SASH1: variants seen among roughly 807,000 people sequenced by gnomAD.
SASH1 encodes SAM and SH3 domain containing 1, also known as SAM and SH3 domain-containing protein 1.
SASH1 carries 44 observed loss-of-function variants against 125.2 expected under a neutral mutation model. That is an observed-to-expected ratio of 0.35 (90% CI 0.28 to 0.45). The LOEUF is 0.45. Ranked by LOEUF, SASH1 falls within the 20% of genes least tolerant of loss-of-function variation. The pLI is 1.00. For synonymous variants in SASH1, 639 were observed against 649.1 expected (o/e 0.98, Z 0.24); for missense variants, 1,426 against 1,614.5 (o/e 0.88, Z 2.00).
intron 8 of SASH1, among the ~76,000 whole-genome samples, chr6:148,506,722 A>G (rs1274352484): frequency 6.6e-6 from 1 of 152,146 alleles, no homozygotes; most frequent in East Asian, 1.9e-4. Context: ...CCCCAGTCTC[A>G]CTGGGGCACT....
chr6:148,487,088 T>TACACACAC (rs757099589), intron 7 of SASH1, among the ~76,000 whole-genome samples: 78 of 101,716 alleles, frequency 7.7e-4, no homozygotes, highest in Admixed American at 1.4e-3. Context: ...ATAACACATA[T>TACACACAC]ATATACACAC....
chr6:148,376,006 AAG>A (rs1782876111), intron 1 of SASH1, among the ~76,000 whole-genome samples: 1 of 152,096 alleles, frequency 6.6e-6, no homozygotes, highest in Admixed American at 6.6e-5. Flanking sequence ...GTGTGTTGTG[AAG>A]AGTTTTTTGG....
intron 2 of SASH1, among the ~76,000 whole-genome samples, chr6:148,394,899 C>T (rs867175019): frequency 3.9e-5 from 6 of 152,306 alleles, no homozygotes; most frequent in Non-Finnish European, 7.3e-5. Flanking sequence ...CTGCCTCGGC[C>T]TCCCAAAGAG....
intron 4 of SASH1, among the ~76,000 whole-genome samples, chr6:148,444,377 T>C (rs1330337648): frequency 6.6e-6 from 1 of 152,160 alleles, no homozygotes; most frequent in Admixed American, 6.5e-5. Context: ...AGACAAGCAG[T>C]GAGATTTCCG....
chr6:148,213,505 G>GGGGTGTGTGTGTGTGT, the SASH1 span, among the ~76,000 whole-genome samples: 2 of 148,352 alleles, frequency 1.3e-5, no homozygotes, highest in Non-Finnish European at 3.0e-5. Context: ...CTAGCCAAAG[G>GGGGTGTGTGTGTGTGT]GTGTGTGTGT....
At chr6:148,373,842 G>A (rs1157217040) in intron 1 of SASH1, among the ~76,000 whole-genome samples, 1 of 152,192 alleles carries the variant, frequency 6.6e-6, no homozygotes, top group Admixed American at 6.5e-5. Flanking sequence ...GCATGATGGT[G>A]TGCACCTGTA....
In SASH1 at chr6:148,532,733, C is replaced by T. The variant is rs780709757; in HGVS notation, c.1565-64C>T. 3.2e-6 allele frequency: 5 copies of T among 1,580,256 alleles called. No homozygotes were observed. The highest frequency in any genetic ancestry group is 4.3e-6 in the Non-Finnish European group (5 of 1,156,542). On this transcript the variant is annotated intron_variant, in intron 13 of 19. Coordinates refer to ENST00000367467, the MANE Select transcript of SASH1 (RefSeq NM_015278.5). This position sits in a 1 kb window ranked among gnomAD's most constrained non-coding sequence, Gnocchi z 4.7. ...TTCCTAATCTGCCATACCTTCAATACCTTTCTGCTTTGCTGGGTGGGAAAT... is the reference window on the plus strand; with the variant it reads ...TTCCTAATCTGCCATACCTTCAATATCTTTCTGCTTTGCTGGGTGGGAAAT...
At chr6:148,498,959 C>G (rs1408424541) in intron 8 of SASH1, among the ~76,000 whole-genome samples, 1 of 152,140 alleles carries the variant, frequency 6.6e-6, no homozygotes, top group Non-Finnish European at 1.5e-5. Flanking sequence ...CCATCTCCAA[C>G]CTAAGCCTGC....
intron 1 of SASH1, among the ~76,000 whole-genome samples, chr6:148,366,971 C>CTT (rs10676946): frequency 0.75 from 94,388 of 125,254 alleles, 36,108 homozygotes; most frequent in African/African-American, 0.84. Flanking sequence ...TAGTGGGTAG[C>CTT]TTTTTTTTTT....
chr6:148,285,596 T>G (rs1779462212), intron 1 of SASH1, among the ~76,000 whole-genome samples: 1 of 152,190 alleles, frequency 6.6e-6, no homozygotes, highest in Non-Finnish European at 1.5e-5. Flanking sequence ...TTCCATAATT[T>G]TCCTTAGGTT....
At chr6:148,503,780 A>C (rs1583266490) in intron 8 of SASH1, among the ~76,000 whole-genome samples, 2 of 151,640 alleles carry the variant, frequency 1.3e-5, no homozygotes, top group South Asian at 4.2e-4. Context: ...AAAAAGAAAC[A>C]TACAGAAACA....
chr6:148,312,983 G>C (rs1780374747), intron 1 of SASH1, among the ~76,000 whole-genome samples: 1 of 152,134 alleles, frequency 6.6e-6, no homozygotes. Flanking sequence ...AGTGGGATGT[G>C]CAAGGATTGA....
intron 1 of SASH1, among the ~76,000 whole-genome samples, chr6:148,376,816 G>A (rs1233110326): frequency 6.6e-6 from 1 of 151,972 alleles, no homozygotes; most frequent in African/African-American, 2.4e-5. Flanking sequence ...TACAGTGAAC[G>A]GTGGTTGCAG....
At chr6:148,334,172 C>A (rs1781079189) in intron 1 of SASH1, among the ~76,000 whole-genome samples, 1 of 145,606 alleles carries the variant, frequency 6.9e-6, no homozygotes, top group Non-Finnish European at 1.5e-5. Flanking sequence ...CGCTTGTAAT[C>A]CCAGCACTTT....
At chr6:148,281,631 G>C (rs1345335946) in intron 1 of SASH1, among the ~76,000 whole-genome samples, 2 of 152,010 alleles carry the variant, frequency 1.3e-5, no homozygotes, top group African/African-American at 4.8e-5. Context: ...ATTTTAAAAA[G>C]AAAATTCCAG....
chr6:148,544,792 C>A lies in SASH1; in HGVS notation c.3322C>A (p.Leu1108Ile). ...ENKLHAEGIDLTEEPYSDKHG... is the reference protein window; with the variant it reads ...ENKLHAEGIDITEEPYSDKHG... The stretch of plus-strand genomic sequence containing the variant: ...CAAGCTGCACGCTGAAGGCATCGAT[C>A]TCACGGAGGAGCCGTATTCTGATAA... Residue 1108 changes from leucine to isoleucine, a missense_variant, in exon 18 of 20, where the codon CTC (leucine) becomes ATC (isoleucine). Leu to Ile is a conservative substitution (Grantham distance 5). Around this residue, in one of 3 missense-constraint regions of SASH1, gnomAD observed 634 missense variants for 694.4 expected, o/e 0.91. Coordinates refer to ENST00000367467, the MANE Select transcript of SASH1 (RefSeq NM_015278.5). This position sits in a 1 kb window ranked among gnomAD's most constrained non-coding sequence, Gnocchi z 6.4. 6.3e-7 allele frequency: 1 copy of A among 1,597,416 alleles called. No homozygotes were observed. Among genetic ancestry groups the A allele is most frequent in the Non-Finnish European group, 8.5e-7 (1 of 1,171,954 alleles).
At chr6:148,309,755 C>T (rs1780250533) in intron 1 of SASH1, among the ~76,000 whole-genome samples, 1 of 151,852 alleles carries the variant, frequency 6.6e-6, no homozygotes. Flanking sequence ...GACAGGTGAC[C>T]TTTGCCAGCA....
rs889201808 is a variant in SASH1, at chr6:148,548,846, G to A, written c.*288G>A. ...ACCAAGATGCCAACTGGCTGCGAAT[G>A]CTCTATCTCCAGTCTGTCTCTGTGT... On this transcript the variant is annotated 3_prime_UTR_variant, in exon 20 of 20. Transcript: ENST00000367467. 6.2e-6 allele frequency: 2 copies of A among 323,576 alleles called. No individual in the cohort carries two copies. Among genetic ancestry groups the A allele is most frequent in the East Asian group, 1.2e-4 (2 of 16,748 alleles). 20.0% of individuals were successfully genotyped at this position (323,576 alleles called of 1,614,324 possible).
rs1248106674 is a variant in SASH1 at position 148,544,167 on chromosome 6, A to G, written c.2697A>G (p.Arg899=). 1.9e-6 allele frequency: 3 copies of G among 1,614,138 alleles called. No individual in the cohort carries two copies. The highest frequency in any genetic ancestry group is 2.2e-5 in the South Asian group (2 of 91,082). Residue 899 remains arginine, a synonymous_variant, in exon 18 of 20, where the codon AGA becomes AGG. Transcript: ENST00000367467. The surrounding 1 kb of genome is among the most constrained non-coding windows in gnomAD (Gnocchi z 6.4). ...DNALLLTQSK[R]FSEPQKLTTK... The stretch of plus-strand genomic sequence containing the variant: ...CATTGCTACTGACCCAAAGCAAGAG[A>G]TTTTCTGAACCTCAGAAATTGACAA...
Sources: gnomAD v4.1 joint callset for allele counts (sites outside exome capture counted in the v4.1 genomes callset) on GRCh38, gnomAD v4.1.1 for gene constraint, gnomAD v4.1.1 regional missense constraint, Gnocchi (gnomAD v3.1) non-coding constraint, MANE v1.5 for transcripts, NCBI Gene and HGNC (gene_info 2026-07-23, HGNC 2026-07-21) for gene names.